Variants in ZFYVE21 observed in about 807,000 individuals in gnomAD.
ZFYVE21 encodes the protein zinc finger FYVE-type containing 21, also known as zinc finger FYVE domain-containing protein 21.
Under a neutral mutation model 29.5 loss-of-function variants are expected in ZFYVE21, and 21 were observed. The observed-to-expected ratio is 0.71, with a 90% CI of 0.50 to 1.02. The LOEUF is 1.02. Among genes scored for constraint, ZFYVE21 ranks in the 50% least tolerant of loss-of-function variants. The pLI is 0.00. For synonymous variants in ZFYVE21, 151 were observed against 133.8 expected (o/e 1.13, Z -0.89); for missense variants, 326 against 335.4 (o/e 0.97, Z 0.22).
chr14:103,723,538 C>T (rs1056970052), intron 1 of ZFYVE21, among the ~76,000 whole-genome samples: 1 of 152,246 alleles, frequency 6.6e-6, no homozygotes, highest in Non-Finnish European at 1.5e-5. Context: ...TCACAAAGCT[C>T]AGGACCTGCC....
intron 6 of ZFYVE21, 99 bp downstream of exon 6, chr14:103,732,861 C>T (rs918125648): frequency 1.1e-5 from 18 of 1,601,036 alleles, no homozygotes; most frequent in African/African-American, 8.0e-5. Context: ...CCCCCTATCC[C>T]CACAACCTGT....
Position 103,733,022 on chromosome 14 carries a change from T to C in ZFYVE21, c.*4T>C. 22 of 1,614,144 alleles carry C rather than the reference T, an allele frequency of 1.4e-5. No individual in the cohort carries two copies. Among genetic ancestry groups the C allele is most frequent in the Non-Finnish European group, 1.9e-5 (22 of 1,180,038 alleles). On this transcript the variant is annotated 3_prime_UTR_variant, in exon 7 of 7. Coordinates refer to ENST00000311141, the MANE Select transcript of ZFYVE21 (RefSeq NM_024071.4). ...CTATGAATCTCGGGACCAGTAACTC[T>C]ACGTGGGGCTGAGCTTGGAGTACGT...
Position 103,727,822 on chromosome 14 carries a change from T to C in ZFYVE21, c.266T>C (p.Phe89Ser), listed in dbSNP as rs1245796369. ...AAGGTGCCGCTGCGGCGCATGTGCT[T>C]TGTGGACCCCGTGCGGCAGTGCGCG... is the stretch of plus-strand genomic sequence containing the variant. ...SQKVPLRRMC[F>S]VDPVRQCAEC... Residue 89 changes from phenylalanine (F) to serine (S), a missense_variant, in exon 3 of 7, where the codon TTT (phenylalanine) becomes TCT (serine). Physicochemically the swap from Phe to Ser is radical, Grantham distance 155. Transcript: ENST00000311141. 1 of 1,613,134 alleles carries C rather than the reference T, an allele frequency of 6.2e-7. No individual in the cohort carries two copies.
intron 1 of ZFYVE21, among the ~76,000 whole-genome samples, chr14:103,720,913 C>T (rs973734573): frequency 2.0e-5 from 3 of 152,188 alleles, no homozygotes; most frequent in Non-Finnish European, 4.4e-5. Context: ...GCCTTCACCT[C>T]CCGGGTTCAA....
intron 3 of ZFYVE21, chr14:103,728,145 A>C: frequency 2.1e-6 from 1 of 470,918 alleles, no homozygotes; most frequent in Non-Finnish European, 3.7e-6. Flanking sequence ...GGGCACGTCC[A>C]TCAGGTGGGA....
At chr14:103,721,933 C>A (rs572617082) in intron 1 of ZFYVE21, among the ~76,000 whole-genome samples, 2 of 152,322 alleles carry the variant, frequency 1.3e-5, no homozygotes, top group African/African-American at 4.8e-5. Context: ...TTCCAGACAC[C>A]GCTGGCCACC....
intron 1 of ZFYVE21, among the ~76,000 whole-genome samples, chr14:103,717,896 T>C (rs1011569162): frequency 2.0e-5 from 3 of 152,252 alleles, no homozygotes; most frequent in African/African-American, 7.2e-5. Context: ...CCAAAGACAG[T>C]GTTCTGGAGG....
rs1424464469 is a variant in ZFYVE21 at position 103,716,126 on chromosome 14, G to T, written c.138+147G>T. The T allele has an allele frequency of 2.4e-6, 2 of 848,230 alleles. No homozygotes were observed. The highest frequency in any genetic ancestry group is 3.0e-6 in the Non-Finnish European group (2 of 672,556). 52.5% of individuals were successfully genotyped at this position (848,230 alleles called of 1,614,324 possible). A position where few individuals can be genotyped will look rare whatever the true frequency, so the allele number is the denominator to read the frequency against. ...CCCCGCCCCCGCTCTCTCCCAGGTT[G>T]GCCGCGTCCCCGGGCCGCCGCCTCA... On this transcript the variant is annotated intron_variant, in intron 1 of 6. Coordinates refer to ENST00000311141, the MANE Select transcript of ZFYVE21 (RefSeq NM_024071.4). The surrounding 1 kb of genome is among the most constrained non-coding windows in gnomAD (Gnocchi z 4.8).
At chr14:103,728,290 G>A (rs2083947204) in intron 3 of ZFYVE21, among the ~76,000 whole-genome samples, 1 of 152,198 alleles carries the variant, frequency 6.6e-6, no homozygotes, top group Non-Finnish European at 1.5e-5. Context: ...ATGCAGACCC[G>A]GTTTTGAGCC....
chr14:103,729,112 C>A lies in ZFYVE21; in HGVS notation c.456C>A (p.Asp152Glu). Residue 152 changes from aspartate to glutamate, a missense_variant, in exon 5 of 7, where the codon GAC becomes GAA. Physicochemically the swap from Asp to Glu is conservative, Grantham distance 45. Transcript: ENST00000311141. Reference protein sequence around the residue: ...NNQRYLFLDGDSHYEIEIVHI... With the variant: ...NNQRYLFLDGESHYEIEIVHI... ...GTAGATACTTGTTTCTGGATGGAGA[C>A]AGCCACTATGAAATCGAAATTGTAC... 2 of 1,614,088 alleles carry A rather than the reference C, an allele frequency of 1.2e-6. No homozygotes were observed. Among genetic ancestry groups the A allele is most frequent in the Non-Finnish European group, 8.5e-7 (1 of 1,180,018 alleles).
At position 103,729,166 on chromosome 14, in the gene ZFYVE21, AG is replaced by A; in HGVS notation, c.512del (p.Gly171AlafsTer26). On this transcript the variant is annotated frameshift_variant, in exon 5 of 7. Transcript: ENST00000311141. LOFTEE classifies it high-confidence loss of function. ...TTTCCACCGTGCAGATCCTCACAGA[AG>A]GCTTCCCTCCTGGAGGTAAATGCCA... ...HISTVQILTE[G>X]FPPGGGNARA... 1 of 1,614,080 alleles carries A rather than the reference AG, an allele frequency of 6.2e-7. No homozygotes were observed. The highest frequency in any genetic ancestry group is 8.5e-7 in the Non-Finnish European group (1 of 1,180,004).
chr14:103,724,016 G>A (rs1318728304), intron 1 of ZFYVE21, among the ~76,000 whole-genome samples: 1 of 152,196 alleles, frequency 6.6e-6, no homozygotes, highest in East Asian at 1.9e-4. Context: ...GCTCAGAGAA[G>A]GGGTTGGACT....
intron 2 of ZFYVE21, 105 bp downstream of exon 2, chr14:103,726,947 C>CGTTTTTTT: frequency 2.1e-4 from 145 of 679,858 alleles, no homozygotes; most frequent in Non-Finnish European, 2.7e-4. Flanking sequence ...TCTTATGGCT[C>CGTTTTTTT]GTTTTTTTTT....
At chr14:103,727,540 AAAG>A (rs1567070902) in intron 2 of ZFYVE21, 2 of 716,900 alleles carry the variant, frequency 2.8e-6, no homozygotes, top group Admixed American at 2.0e-5. Context: ...GATTTTGAAA[AAAG>A]GGCCTCATTT....
chr14:103,726,635 C>T, intron 1 of ZFYVE21, 157 bp from the exon 2 acceptor site: 4 of 906,318 alleles, frequency 4.4e-6, no homozygotes, highest in Non-Finnish European at 5.2e-6. Flanking sequence ...GCACAGGCGG[C>T]CAGTCCACCG....
chr14:103,722,125 G>A (rs1242628619), intron 1 of ZFYVE21, among the ~76,000 whole-genome samples: 1 of 152,200 alleles, frequency 6.6e-6, no homozygotes, highest in African/African-American at 2.4e-5. Flanking sequence ...GTGCTTACTG[G>A]CGGGGTAGGT....
In ZFYVE21 at chr14:103,728,169, G is replaced by A. The variant is rs573075443; in HGVS notation, c.358+255G>A. On this transcript the variant is annotated intron_variant, in intron 3 of 6. Coordinates refer to ENST00000311141, the MANE Select transcript of ZFYVE21 (RefSeq NM_024071.4). Reference sequence around the variant, plus strand: ...CATCAGGTGGGAGGGGAGGCCCTGGGCCCAGGCAGCACCTTCCTCCTTCCC... The same window carrying A: ...CATCAGGTGGGAGGGGAGGCCCTGGACCCAGGCAGCACCTTCCTCCTTCCC... 1.7e-5 allele frequency: 7 copies of A among 409,718 alleles called. No homozygotes were observed. The Admixed American group carries it at 1.7e-4, about 10-fold the overall frequency. The allele number at this position is 409,718 out of a possible 1,614,324, so 25.4% of individuals were successfully genotyped here. A position where few individuals can be genotyped will look rare whatever the true frequency, so the allele number is the denominator to read the frequency against.
chr14:103,717,091 C>A (rs2083830003), intron 1 of ZFYVE21, among the ~76,000 whole-genome samples: 1 of 152,106 alleles, frequency 6.6e-6, no homozygotes, highest in African/African-American at 2.4e-5. Context: ...GGGTGAGCGG[C>A]CACAGAGCCT....
At chr14:103,726,689 G>T in intron 1 of ZFYVE21, 103 bp from the exon 2 acceptor site, 1 of 1,421,088 alleles carries the variant, frequency 7.0e-7, no homozygotes, top group Non-Finnish European at 9.9e-7. Flanking sequence ...TTGGGTGCGT[G>T]GGGAGGTGGC....
Sources: gnomAD v4.1 joint callset for allele counts (sites outside exome capture counted in the v4.1 genomes callset) on GRCh38, gnomAD v4.1.1 for gene constraint, Gnocchi (gnomAD v3.1) non-coding constraint, MANE v1.5 for transcripts, NCBI Gene and HGNC (gene_info 2026-07-23, HGNC 2026-07-21) for gene names.